Variants in EXOC6B observed in about 807,000 individuals in gnomAD.
EXOC6B encodes exocyst complex component 6B.
EXOC6B carries 54 observed loss-of-function variants against 113.5 expected under a neutral mutation model. That is an observed-to-expected ratio of 0.48 (90% CI 0.38 to 0.60). EXOC6B has a LOEUF of 0.60. Ranked by LOEUF, EXOC6B falls within the 20% of genes least tolerant of loss-of-function variation. EXOC6B has a pLI of 0.00. For synonymous variants in EXOC6B, 357 were observed against 339.0 expected, an observed-to-expected ratio of 1.05 and a Z score of -0.58; for missense variants, 797 against 977.5, an observed-to-expected ratio of 0.82 and a Z score of 2.46.
chr2:72,747,252 C>T (rs1347326244), intron 1 of EXOC6B, among the ~76,000 whole-genome samples: 1 of 151,932 alleles, frequency 6.6e-6, no homozygotes, highest in Non-Finnish European at 1.5e-5. Flanking sequence ...TTGTGAGTGA[C>T]CAGTTAATAT....
chr2:72,667,889 A>G (rs928729904), intron 6 of EXOC6B, among the ~76,000 whole-genome samples: 1 of 152,348 alleles, frequency 6.6e-6, no homozygotes, highest in African/African-American at 2.4e-5. Context: ...TAGTTATACT[A>G]AAGAGCTTCT....
At chr2:72,338,771 C>T (rs1688848257) in intron 19 of EXOC6B, among the ~76,000 whole-genome samples, 1 of 151,716 alleles carries the variant, frequency 6.6e-6, no homozygotes, top group Non-Finnish European at 1.5e-5. Context: ...TGATAGTAAG[C>T]ACTCACTTCA....
rs1383620831 is a variant in EXOC6B, at chr2:72,401,566, C to CAT, written c.1981-21698_1981-21697dup. On this transcript the variant is annotated intron_variant, in intron 18 of 21. Coordinates refer to ENST00000272427, the MANE Select transcript of EXOC6B (RefSeq NM_015189.3). ...ATATGTGTATATATATATATATATA[C>CAT]ATATATATATATATACATATATATA... Among the ~76,000 whole-genome samples, 16 of 14,878 alleles carry CAT rather than the reference C, an allele frequency of 1.1e-3. 1 individual carries two copies. The South Asian group carries it at 0.015, about 14-fold the overall frequency. 9.8% of individuals were successfully genotyped at this position (14,878 alleles called of 152,430 possible).
chr2:72,187,700 A>C lies in EXOC6B; in HGVS notation c.2197-3513T>G, dbSNP rs574159981. Among the ~76,000 whole-genome samples, 453 of 152,046 alleles carry C rather than the reference A, an allele frequency of 3.0e-3. 4 individuals are homozygous for C. Among genetic ancestry groups the C allele is most frequent in the Middle Eastern group, 6.8e-3 (2 of 294 alleles). The stretch of plus-strand genomic sequence containing the variant: ...AGCCCAGGGCTTTTATGGGCCTCAG[A>C]GGGGAGGAAGTGCATGCCAACTGGT... On this transcript the variant is annotated intron_variant, in intron 20 of 21. Transcript: ENST00000272427.
At chr2:72,530,191 T>C (rs142803342) in intron 8 of EXOC6B, among the ~76,000 whole-genome samples, 1 of 152,322 alleles carries the variant, frequency 6.6e-6, no homozygotes, top group African/African-American at 2.4e-5. Flanking sequence ...TTGCCTTTCT[T>C]TTCCTAGGTT....
chr2:72,471,857 T>A (rs148359024), intron 17 of EXOC6B, among the ~76,000 whole-genome samples: 3 of 152,262 alleles, frequency 2.0e-5, no homozygotes, highest in African/African-American at 7.2e-5. Context: ...TAGTTGTGGG[T>A]CTGCTATATG....
intron 20 of EXOC6B, among the ~76,000 whole-genome samples, chr2:72,303,297 G>T (rs957501703): frequency 1.3e-5 from 2 of 152,046 alleles, no homozygotes; most frequent in Non-Finnish European, 2.9e-5. Flanking sequence ...GTGAGGTTTG[G>T]GGAGTTTTCA....
At chr2:72,179,984 G>C in intron 21 of EXOC6B, among the ~76,000 whole-genome samples, 1 of 152,162 alleles carries the variant, frequency 6.6e-6, no homozygotes, top group Non-Finnish European at 1.5e-5. Flanking sequence ...ACTCTAGCTG[G>C]CTACTCTATC....
intron 20 of EXOC6B, among the ~76,000 whole-genome samples, chr2:72,260,212 A>C (rs180837452): frequency 2.2e-4 from 33 of 152,288 alleles, no homozygotes; most frequent in Admixed American, 9.8e-4. Context: ...ATATTATAGA[A>C]ATGTAGCTAT....
At chr2:72,360,772 G>T (rs1453749490) in intron 19 of EXOC6B, among the ~76,000 whole-genome samples, 1 of 151,940 alleles carries the variant, frequency 6.6e-6, no homozygotes, top group Non-Finnish European at 1.5e-5. Flanking sequence ...AGTTTCTGTT[G>T]CCTTCATAAT....
At chr2:72,688,758 T>C (rs1014307509) in intron 6 of EXOC6B, among the ~76,000 whole-genome samples, 1 of 152,210 alleles carries the variant, frequency 6.6e-6, no homozygotes, top group Non-Finnish European at 1.5e-5. Context: ...CACTATCTTA[T>C]TCAATGTAAA....
At chr2:72,240,587 G>T (rs891056208) in intron 20 of EXOC6B, among the ~76,000 whole-genome samples, 1 of 152,116 alleles carries the variant, frequency 6.6e-6, no homozygotes, top group Non-Finnish European at 1.5e-5. Flanking sequence ...AAAGGATGAG[G>T]TTGTCCATGG....
chr2:72,817,240 A>T (rs1422208070), intron 1 of EXOC6B, among the ~76,000 whole-genome samples: 2 of 152,228 alleles, frequency 1.3e-5, no homozygotes, highest in Non-Finnish European at 2.9e-5. Context: ...CACTACAAAG[A>T]ACACTGAGGA....
intron 17 of EXOC6B, among the ~76,000 whole-genome samples, chr2:72,480,023 C>T (rs1237378049): frequency 1.3e-5 from 2 of 151,782 alleles, no homozygotes; most frequent in Admixed American, 6.6e-5. Flanking sequence ...GGCAACATGG[C>T]GAAACCCCGT....
At chr2:72,463,055 C>T (rs912647140) in intron 18 of EXOC6B, 2 of 151,956 alleles carry the variant, frequency 1.3e-5, no homozygotes, top group Admixed American at 1.3e-4. Flanking sequence ...AACTGTATCT[C>T]CCTCACCTAG....
chr2:72,498,718 T>G (rs1046355310), intron 12 of EXOC6B, among the ~76,000 whole-genome samples, 167 bp from the exon 13 acceptor site: 1 of 151,844 alleles, frequency 6.6e-6, no homozygotes, highest in African/African-American at 2.4e-5. Flanking sequence ...ACACCTAATA[T>G]CTAGCATTTA....
chr2:72,342,075 T>A (rs952942628), intron 19 of EXOC6B, among the ~76,000 whole-genome samples: 1 of 152,188 alleles, frequency 6.6e-6, no homozygotes, highest in Non-Finnish European at 1.5e-5. Context: ...ACTTAAGGGA[T>A]GCATAAAAAG....
chr2:72,230,373 G>A (rs560515112), intron 20 of EXOC6B, among the ~76,000 whole-genome samples: 1 of 152,280 alleles, frequency 6.6e-6, no homozygotes, highest in East Asian at 1.9e-4. Context: ...GATTGAATTT[G>A]GGAGGTCTAA....
At chr2:72,480,211 A>C (rs890968341) in intron 17 of EXOC6B, among the ~76,000 whole-genome samples, 2 of 152,112 alleles carry the variant, frequency 1.3e-5, no homozygotes, top group Non-Finnish European at 2.9e-5. Context: ...TTAAAAAAAA[A>C]AAAAATTGGT....
Sources: allele counts gnomAD v4.1 joint callset (sites outside exome capture counted in the v4.1 genomes callset), GRCh38; gene constraint gnomAD v4.1.1; transcripts MANE v1.5; gene names NCBI Gene and HGNC (gene_info 2026-07-23, HGNC 2026-07-21).